TRPM3: variants seen among roughly 807,000 people sequenced by gnomAD.
TRPM3 encodes the protein transient receptor potential cation channel subfamily M member 3, also known as long transient receptor potential channel 3.
In TRPM3, 77 loss-of-function variants were observed where a neutral mutation model predicts 181.2. The observed-to-expected ratio is 0.42, with a 90% confidence interval of 0.35 to 0.51. TRPM3 has a LOEUF of 0.51. TRPM3 is among the 20% of genes least tolerant of loss of function. The probability of loss-of-function intolerance (pLI) is 0.01; values close to 1 mark genes in which losing one functional copy is unlikely to be tolerated. For missense variants in TRPM3, 1,759 were observed against 2,196.7 expected (o/e 0.80, Z 3.98); for synonymous variants, 745 against 796.4 (o/e 0.94, Z 1.09).
upstream of TRPM3, among the ~76,000 whole-genome samples, chr9:71,121,900 T>G (rs1267772862): frequency 1.3e-5 from 2 of 152,172 alleles, no homozygotes. Flanking sequence ...CATAATAAAG[T>G]GAGGCTATCA....
chr9:71,128,324 C>A (rs951890248), intron 1 of TRPM3, among the ~76,000 whole-genome samples: 4 of 152,150 alleles, frequency 2.6e-5, no homozygotes, highest in Non-Finnish European at 5.9e-5. Context: ...CCTACATATA[C>A]ACCTACCAAA....
At chr9:71,217,570 G>A (rs12346443) in intron 1 of TRPM3, among the ~76,000 whole-genome samples, 61,341 of 151,976 alleles carry the variant, frequency 0.4, 13,217 homozygotes, top group East Asian at 0.52. Context: ...AAAAATGTGT[G>A]CTGATTAAAG....
chr9:71,276,664 T>C (rs1252265692), intron 1 of TRPM3, among the ~76,000 whole-genome samples: 4 of 152,148 alleles, frequency 2.6e-5, no homozygotes, highest in Non-Finnish European at 5.9e-5. Context: ...TATCAAGCAA[T>C]GCCATTAATA....
chr9:71,101,578 A>G (rs1363758747), intron 1 of TRPM3, among the ~76,000 whole-genome samples: 1 of 152,168 alleles, frequency 6.6e-6, no homozygotes, highest in Non-Finnish European at 1.5e-5. Context: ...AAATTGGCAC[A>G]TAGCTGTGTT....
intron 1 of TRPM3, among the ~76,000 whole-genome samples, chr9:70,864,761 A>G (rs2095610761): frequency 6.6e-6 from 1 of 152,196 alleles, no homozygotes; most frequent in Middle Eastern, 3.4e-3. Context: ...ATAATAAAAA[A>G]AAGTTAGTGA....
chr9:70,811,549 A>T (rs1393044545), intron 6 of TRPM3, among the ~76,000 whole-genome samples: 1 of 152,204 alleles, frequency 6.6e-6, no homozygotes, highest in Non-Finnish European at 1.5e-5. Flanking sequence ...AATATCTGTT[A>T]AGTGCTTGTA....
chr9:70,588,202 T>C (rs2057480460), intron 22 of TRPM3, among the ~76,000 whole-genome samples: 1 of 152,204 alleles, frequency 6.6e-6, no homozygotes, highest in African/African-American at 2.4e-5. Context: ...CATTCCAGTA[T>C]CTTAGGCTTT....
intron 8 of TRPM3, among the ~76,000 whole-genome samples, chr9:70,698,950 C>G (rs2071512688): frequency 6.6e-6 from 1 of 152,210 alleles, no homozygotes; most frequent in Non-Finnish European, 1.5e-5. Context: ...AATTAAACCT[C>G]TGTTCTTTAT....
At chr9:70,543,812 C>G (rs1010628423) in intron 25 of TRPM3, among the ~76,000 whole-genome samples, 1 of 152,056 alleles carries the variant, frequency 6.6e-6, no homozygotes, top group African/African-American at 2.4e-5. Flanking sequence ...ACAAGTGAAG[C>G]CTGGTAGGTG....
At position 70,536,556 on chromosome 9, in the gene TRPM3, G is replaced by T; in HGVS notation, c.4557C>A (p.Thr1519=). ...GAGCCTCTTCTAGAAGAAAGGGTGT[G>T]GTGGCTAGGTAGCGGCTACTTTTGG... is the stretch of plus-strand genomic sequence containing the variant. ...ERSKSSRYLA[T]TPFLLEEAPI... Residue 1519 remains threonine (T), a synonymous_variant, in exon 26 of 26, where the codon ACC becomes ACA. Transcript: ENST00000677713. The T allele has an allele frequency of 6.2e-7, 1 of 1,614,160 alleles. No individual in the cohort carries two copies. Among genetic ancestry groups the T allele is most frequent in the Non-Finnish European group, 8.5e-7 (1 of 1,180,022 alleles).
At chr9:70,888,680 G>T (rs1420525314) in intron 1 of TRPM3, among the ~76,000 whole-genome samples, 1 of 152,072 alleles carries the variant, frequency 6.6e-6, no homozygotes, top group Non-Finnish European at 1.5e-5. Flanking sequence ...CACTAGATCT[G>T]CCTGTCTACT....
rs752674634 is a variant in TRPM3 at position 70,549,588 on chromosome 9, G to A, written c.3661C>T (p.Arg1221Trp). ...CTCTCATCATTAGATGAGTTGAACC[G>A]ATCATCCTTTTCTCTGAAGTATTCT... ...IEEYFREKDD[R>W]FNSSNDERIR... Residue 1221 changes from arginine to tryptophan, a missense_variant, in exon 25 of 26, where the codon CGG (arginine) becomes TGG (tryptophan). This residue lies in a region of TRPM3 where 96 missense variants were observed against 129.6 expected (regional missense o/e 0.74). Coordinates refer to ENST00000677713, the MANE Select transcript of TRPM3 (RefSeq NM_001366145.2). The A allele has an allele frequency of 5.6e-6, 9 of 1,613,470 alleles. No individual in the cohort carries two copies. The highest frequency in any genetic ancestry group is 3.3e-5 in the Admixed American group (2 of 59,968).
In TRPM3 at chr9:70,530,435, T is replaced by C. The variant is rs1486747442; in HGVS notation, c.*5518A>G. 6.6e-6 allele frequency: 1 copy of C among 152,262 alleles called. No homozygotes were observed. The highest frequency in any genetic ancestry group is 2.4e-5 in the African/African-American group (1 of 41,460). 9.4% of individuals were successfully genotyped at this position (152,262 alleles called of 1,614,324 possible). A position where few individuals can be genotyped will look rare whatever the true frequency, so the allele number is the denominator to read the frequency against. The stretch of plus-strand genomic sequence containing the variant: ...GCACTGACACTCTTTACAAAGCCTA[T>C]GGACTTCTAGCCATACACATGTCTT... On this transcript the variant is annotated 3_prime_UTR_variant, in exon 26 of 26. Coordinates refer to ENST00000677713, the MANE Select transcript of TRPM3 (RefSeq NM_001366145.2).
At chr9:70,620,617 G>A (rs2063479801) in intron 15 of TRPM3, among the ~76,000 whole-genome samples, 1 of 152,096 alleles carries the variant, frequency 6.6e-6, no homozygotes, top group Non-Finnish European at 1.5e-5. Flanking sequence ...TTTTTAATGG[G>A]CCATTTTCTT....
chr9:70,738,829 A>G (rs2073353206), intron 8 of TRPM3, among the ~76,000 whole-genome samples: 1 of 152,182 alleles, frequency 6.6e-6, no homozygotes, highest in African/African-American at 2.4e-5. Flanking sequence ...ACAAAAGATC[A>G]TTCAAGGCTA....
chr9:71,364,710 T>G (rs1173744003), intron 1 of TRPM3, among the ~76,000 whole-genome samples: 1 of 152,180 alleles, frequency 6.6e-6, no homozygotes, highest in Non-Finnish European at 1.5e-5. Flanking sequence ...ACCTACAGCT[T>G]GAGAGTAGTA....
chr9:71,446,377 T>C (rs892842231), intron 1 of TRPM3, among the ~76,000 whole-genome samples: 2 of 152,182 alleles, frequency 1.3e-5, no homozygotes, highest in Admixed American at 1.3e-4. Context: ...GCAAAACTCT[T>C]ATGATCTAAC....
intron 1 of TRPM3, among the ~76,000 whole-genome samples, chr9:71,000,459 G>T (rs2097586673): frequency 6.6e-6 from 1 of 152,184 alleles, no homozygotes; most frequent in Non-Finnish European, 1.5e-5. Context: ...AAGGTATGGT[G>T]TTCAATGAAA....
At position 71,361,780 on chromosome 9, in the gene TRPM3, A is replaced by C. The variant is rs369579712; in HGVS notation, c.183+84873T>G. Reference sequence around the variant, plus strand: ...CTCTAAACTTTTCAGTCTATACTACACTGTAATTTCCACCAAAAAGCTGAA... The same window carrying C: ...CTCTAAACTTTTCAGTCTATACTACCCTGTAATTTCCACCAAAAAGCTGAA... On this transcript the variant is annotated intron_variant, in intron 1 of 24. Transcript: ENST00000357533. 4.3e-4 allele frequency among the ~76,000 whole-genome samples: 65 copies of C among 152,286 alleles called. No homozygotes were observed. The South Asian group carries it at 0.013, about 31-fold the overall frequency.
Sources: allele counts gnomAD v4.1 joint callset (sites outside exome capture counted in the v4.1 genomes callset), GRCh38; gene constraint gnomAD v4.1.1; regional missense constraint gnomAD v4.1.1; transcripts MANE v1.5; gene names NCBI Gene and HGNC (gene_info 2026-07-23, HGNC 2026-07-21).